Variants in RIMS2 observed in about 807,000 individuals in gnomAD.
The protein encoded by RIMS2 is regulating synaptic membrane exocytosis 2, also known as regulating synaptic membrane exocytosis protein 2.
Under a neutral mutation model 174.4 loss-of-function variants are expected in RIMS2, and 59 were observed. The observed-to-expected ratio is 0.34, with a 90% confidence interval of 0.27 to 0.42. RIMS2 has a LOEUF of 0.42. Among genes scored for constraint, RIMS2 ranks in the 10% least tolerant of loss-of-function variants. The pLI is 1.00. For missense variants in RIMS2, 1,620 were observed against 1,666.3 expected, an observed-to-expected ratio of 0.97 and a Z score of 0.48; for synonymous variants, 606 against 572.5, an observed-to-expected ratio of 1.06 and a Z score of -0.84.
chr8:104,152,168 G>C (rs111474036), intron 19 of RIMS2, among the ~76,000 whole-genome samples: 1 of 152,154 alleles, frequency 6.6e-6, no homozygotes, highest in African/African-American at 2.4e-5. Context: ...ACATTGTGAT[G>C]TTGGCAGATT....
intron 19 of RIMS2, among the ~76,000 whole-genome samples, chr8:104,059,752 C>T (rs893788965): frequency 2.6e-5 from 4 of 151,790 alleles, no homozygotes; most frequent in African/African-American, 9.7e-5. Flanking sequence ...CCATCAATAC[C>T]TAATTTATTG....
intron 19 of RIMS2, among the ~76,000 whole-genome samples, chr8:104,175,910 G>A (rs1436184912): frequency 6.6e-6 from 1 of 152,088 alleles, no homozygotes; most frequent in South Asian, 2.1e-4. Context: ...CTCAAAGACT[G>A]AAAAGAACTG....
chr8:103,545,079 G>T (rs545668789), intron 1 of RIMS2, among the ~76,000 whole-genome samples: 2 of 152,252 alleles, frequency 1.3e-5, no homozygotes, highest in East Asian at 3.9e-4. Flanking sequence ...TTCAGAATGT[G>T]AATAGGAATG....
chr8:104,126,873 T>C (rs2098436253), intron 19 of RIMS2, among the ~76,000 whole-genome samples: 1 of 152,078 alleles, frequency 6.6e-6, no homozygotes, highest in African/African-American at 2.4e-5. Context: ...CTTTTCAAGA[T>C]AGAAAAAATC....
At chr8:104,129,916 A>G (rs1048791959) in intron 19 of RIMS2, among the ~76,000 whole-genome samples, 2 of 152,232 alleles carry the variant, frequency 1.3e-5, no homozygotes, top group African/African-American at 4.8e-5. Context: ...TATATTTCTA[A>G]AACATTTATT....
intron 13 of RIMS2, among the ~76,000 whole-genome samples, chr8:103,940,004 C>G (rs1017856107): frequency 1.3e-5 from 2 of 152,194 alleles, no homozygotes; most frequent in Admixed American, 6.5e-5. Flanking sequence ...AAGTTCCAAA[C>G]TTTCCTACAT....
At chr8:103,942,705 A>G in intron 13 of RIMS2, 68 bp from the exon 16 acceptor site, 1 of 1,119,014 alleles carries the variant, frequency 8.9e-7, no homozygotes, top group Non-Finnish European at 1.3e-6. Flanking sequence ...CAAAAGTTAT[A>G]GGACCATTTA....
chr8:104,173,567 T>G (rs2098844732), intron 19 of RIMS2, among the ~76,000 whole-genome samples: 1 of 150,432 alleles, frequency 6.6e-6, no homozygotes, highest in African/African-American at 2.4e-5. Context: ...AGAAAAAAGT[T>G]ATAAGCTATT....
Position 104,148,943 on chromosome 8 carries a change from G to A in RIMS2, c.3335-95973G>A, listed in dbSNP as rs2098667482. On this transcript the variant is annotated intron_variant, in intron 19 of 23. Coordinates refer to ENST00000504942, the Ensembl canonical transcript of RIMS2. Reference sequence around the variant, plus strand: ...ACTCATTTTATTGCAGTAATGTGTGGATGATGACATGTTCCAGAGGGAAAG... The same window carrying A: ...ACTCATTTTATTGCAGTAATGTGTGAATGATGACATGTTCCAGAGGGAAAG... The A allele has an allele frequency of 5.6e-6, 7 of 1,246,250 alleles. No homozygotes were observed. In the South Asian group the frequency reaches 9.8e-5, roughly 17 times the overall value. The allele number at this position is 1,246,250 out of a possible 1,614,324, so 77.2% of individuals were successfully genotyped here.
intron 19 of RIMS2, among the ~76,000 whole-genome samples, chr8:104,148,105 T>C (rs1157177405): frequency 2.0e-5 from 3 of 151,806 alleles, no homozygotes; most frequent in Non-Finnish European, 4.4e-5. Context: ...TAACCATTAT[T>C]AGATAAACCT....
At chr8:103,681,739 A>C (rs1310636996) in intron 1 of RIMS2, among the ~76,000 whole-genome samples, 1 of 152,118 alleles carries the variant, frequency 6.6e-6, no homozygotes, top group Non-Finnish European at 1.5e-5. Context: ...TTTTCTTAAG[A>C]ACAATTAGCA....
intron 19 of RIMS2, among the ~76,000 whole-genome samples, chr8:104,195,276 T>G (rs1391719435): frequency 6.6e-6 from 1 of 152,024 alleles, no homozygotes; most frequent in Non-Finnish European, 1.5e-5. Context: ...GAGGAAGAGG[T>G]AGAAGTCAAA....
intron 4 of RIMS2, among the ~76,000 whole-genome samples, chr8:103,887,483 A>C (rs1336635375): frequency 6.6e-6 from 1 of 151,528 alleles, no homozygotes; most frequent in Non-Finnish European, 1.5e-5. Context: ...TCAATTAAGT[A>C]TTTAACTGTA....
chr8:103,595,022 C>G (rs1031401998), intron 1 of RIMS2, among the ~76,000 whole-genome samples: 14 of 151,690 alleles, frequency 9.2e-5, no homozygotes, highest in African/African-American at 2.9e-4. Context: ...AGATTATGTT[C>G]TGTGAGTAGA....
At chr8:104,010,066 CAA>C (rs1463231477) in intron 17 of RIMS2, among the ~76,000 whole-genome samples, 3 of 151,980 alleles carry the variant, frequency 2.0e-5, no homozygotes, top group African/African-American at 7.3e-5. Context: ...GGGTTATAGA[CAA>C]GAGTTCCCAC....
intron 19 of RIMS2, among the ~76,000 whole-genome samples, chr8:104,055,127 AT>A (rs943346470): frequency 1.3e-5 from 2 of 151,864 alleles, no homozygotes; most frequent in Admixed American, 6.6e-5. Flanking sequence ...TCTATTGTGA[AT>A]TTTTTCTCAT....
intron 3 of RIMS2, among the ~76,000 whole-genome samples, chr8:103,825,599 TA>T (rs2098785296): frequency 6.6e-6 from 1 of 152,158 alleles, no homozygotes; most frequent in Non-Finnish European, 1.5e-5. Context: ...AACATAGTTT[TA>T]AAACATTCAT....
intron 12 of RIMS2, 144 bp downstream of exon 14, chr8:103,931,537 C>G (rs1187044696): frequency 4.2e-6 from 2 of 475,644 alleles, no homozygotes; most frequent in Non-Finnish European, 7.0e-6. Context: ...TCTTAGGAAA[C>G]AAAATAGTGA....
intron 3 of RIMS2, among the ~76,000 whole-genome samples, chr8:103,813,405 T>C (rs2098700629): frequency 6.6e-6 from 1 of 151,948 alleles, no homozygotes. Flanking sequence ...TCTTTCTTTC[T>C]TTCTTTCTTT....
Sources: allele counts gnomAD v4.1 joint callset (sites outside exome capture counted in the v4.1 genomes callset), GRCh38; gene constraint gnomAD v4.1.1; transcripts MANE v1.5; gene names NCBI Gene and HGNC (gene_info 2026-07-23, HGNC 2026-07-21).